Variants in DNAH5 observed in about 807,000 individuals in gnomAD.
The protein encoded by DNAH5 is axonemal beta dynein heavy chain 5.
Under a neutral mutation model 518.2 loss-of-function variants are expected in DNAH5, and 372 were observed. The ratio of observed to expected loss-of-function variants is 0.72; its 90% CI spans 0.66 to 0.78. The LOEUF is 0.78. DNAH5 is among the 30% of genes least tolerant of loss of function. The pLI, the probability that DNAH5 is intolerant of heterozygous loss-of-function variation, is 0.00. For synonymous variants in DNAH5, 2,039 were observed against 2,025.9 expected (o/e 1.01, Z -0.17); for missense variants, 5,523 against 5,687.0 (o/e 0.97, Z 0.93).
At chr5:13,969,944 A>C (rs1781763823) in intron 1 of DNAH5, among the ~76,000 whole-genome samples, 1 of 152,074 alleles carries the variant, frequency 6.6e-6, no homozygotes, top group Non-Finnish European at 1.5e-5. Flanking sequence ...ACTAATGTCT[A>C]CTAGTAATTG....
intron 31 of DNAH5, among the ~76,000 whole-genome samples, chr5:13,848,546 C>T (rs934648082): frequency 6.6e-6 from 1 of 152,196 alleles, no homozygotes; most frequent in Admixed American, 6.5e-5. Context: ...AATAATTCTA[C>T]AACTCACCAT....
Position 13,700,624 on chromosome 5 carries a change from G to A in DNAH5, c.13723+16C>T, listed in dbSNP as rs1185116295. On this transcript the variant is annotated intron_variant, in intron 78 of 78. Coordinates refer to ENST00000265104, the MANE Select transcript of DNAH5 (RefSeq NM_001369.3). ...CGAACAATGCGAGCCCTTACTGAAG[G>A]TACAAGACAACTTACTATTGTTTTC... 6.2e-7 allele frequency: 1 copy of A among 1,607,312 alleles called. No homozygotes were observed. Among genetic ancestry groups the A allele is most frequent in the Admixed American group, 1.7e-5 (1 of 59,976 alleles).
At chr5:13,997,263 TAA>T (rs1476641507) in intron 1 of DNAH5, among the ~76,000 whole-genome samples, 2 of 152,236 alleles carry the variant, frequency 1.3e-5, no homozygotes, top group East Asian at 1.9e-4. Context: ...TATTTTATTA[TAA>T]GAGTCAAGAG....
chr5:13,770,993 A>G lies in DNAH5; in HGVS notation c.9374-13T>C. ...AAGTGTTCAGACACTAGAGAGAATA[A>G]AGATGACAGTGTGTGAAATATGTAT... On this transcript the variant is annotated splice_polypyrimidine_tract_variant and intron_variant, in intron 55 of 78. Coordinates refer to ENST00000265104, the MANE Select transcript of DNAH5 (RefSeq NM_001369.3). 1 of 1,575,306 alleles carries G rather than the reference A, an allele frequency of 6.3e-7. No homozygotes were observed. The highest frequency in any genetic ancestry group is 8.7e-7 in the Non-Finnish European group (1 of 1,145,136).
chr5:13,963,700 C>T (rs528930146), intron 1 of DNAH5, among the ~76,000 whole-genome samples: 242 of 152,136 alleles, frequency 1.6e-3, no homozygotes, highest in African/African-American at 5.5e-3. Context: ...CTCTTATACC[C>T]GAACATTAAT....
chr5:13,793,554 A>G lies in DNAH5; in HGVS notation c.8185T>C (p.Cys2729Arg). The G allele has an allele frequency of 3.7e-6, 6 of 1,614,086 alleles. No individual in the cohort carries two copies. Among genetic ancestry groups the G allele is most frequent in the Non-Finnish European group, 5.1e-6 (6 of 1,180,002 alleles). ...RLKRQFSIFN[C>R]TLPSEASVDK... ...ACAGAAGCTTCAGAGGGCAACGTGC[A>G]ATTAAATATAGAGAACTGCCTCTTG... Residue 2729 changes from cysteine (C) to arginine (R), a missense_variant, in exon 49 of 79, where the codon TGC becomes CGC. Physicochemically the swap from Cys to Arg is radical, Grantham distance 180 (BLOSUM62 -3). Coordinates refer to ENST00000265104, the MANE Select transcript of DNAH5 (RefSeq NM_001369.3).
chr5:13,752,761 C>T (rs1225858261), intron 63 of DNAH5, among the ~76,000 whole-genome samples: 1 of 152,204 alleles, frequency 6.6e-6, no homozygotes, highest in East Asian at 1.9e-4. Context: ...TTGAAACCCA[C>T]ACTTGGTGAA....
At chr5:13,805,808 T>G (rs1449531711) in intron 47 of DNAH5, among the ~76,000 whole-genome samples, 2 of 152,206 alleles carry the variant, frequency 1.3e-5, no homozygotes, top group Non-Finnish European at 2.9e-5. Context: ...TTATGGAAAC[T>G]GAGAGGGCTG....
chr5:13,760,990 A>G (rs569068383), intron 60 of DNAH5, among the ~76,000 whole-genome samples: 1 of 152,352 alleles, frequency 6.6e-6, no homozygotes, highest in Non-Finnish European at 1.5e-5. Context: ...TGAGTGGTCC[A>G]AGATGCTAGA....
Position 13,810,062 on chromosome 5 carries a change from CG to C in DNAH5, c.7605del (p.Asp2536MetfsTer35). 1.3e-6 allele frequency: 2 copies of C among 1,551,944 alleles called. No individual in the cohort carries two copies. Among genetic ancestry groups the C allele is most frequent in the Non-Finnish European group, 1.7e-6 (2 of 1,148,098 alleles). On this transcript the variant is annotated frameshift_variant, in exon 45 of 79. Transcript: ENST00000265104. LOFTEE classifies it high-confidence loss of function. ...CTGGACGGGCAGGTGTCCTCACCAT[CG>C]GGCGCCACATAGTAGTCGAAGGCGG... ...GDTAFDYYVAPDGTWTHWNTR... is the reference protein window; with the variant it reads ...GDTAFDYYVAXDGTWTHWNTR...
At chr5:13,830,854 G>C (rs961756652) in intron 35 of DNAH5, 79 bp from the exon 36 acceptor site, 3 of 1,424,850 alleles carry the variant, frequency 2.1e-6, no homozygotes, top group Non-Finnish European at 2.0e-6. Context: ...GGCATGAAAC[G>C]CACACAAGAT....
chr5:13,829,895 A>T, intron 37 of DNAH5, 131 bp downstream of exon 37: 1 of 908,606 alleles, frequency 1.1e-6, no homozygotes, highest in Non-Finnish European at 1.7e-6. Flanking sequence ...TAACACCAAA[A>T]GGTTTTCAAA....
At position 13,778,492 on chromosome 5, in the gene DNAH5, AAGGAAGGG is replaced by A. The variant is rs1174923517; in HGVS notation, c.8952-1145_8952-1138del. 6.4e-3 allele frequency among the ~76,000 whole-genome samples: 378 copies of A among 58,912 alleles called. 12 individuals are homozygous for A. Among genetic ancestry groups the A allele is most frequent in the African/African-American group, 0.017 (331 of 19,502 alleles). 38.6% of individuals were successfully genotyped at this position (58,912 alleles called of 152,430 possible). A position where few individuals can be genotyped will look rare whatever the true frequency, so the allele number is the denominator to read the frequency against. On this transcript the variant is annotated intron_variant, in intron 53 of 78. Coordinates refer to ENST00000265104, the MANE Select transcript of DNAH5 (RefSeq NM_001369.3). ...GAAGGAAGGAAAGAAGGAAGGAAGGAAGGAAGGGAGGGAGGGAGGGAGGGGAGAGAAAG... is the reference window on the plus strand; with the variant it reads ...GAAGGAAGGAAAGAAGGAAGGAAGGAAGGGAGGGAGGGAGGGGAGAGAAAG...
chr5:13,934,798 T>G (rs1397608457), intron 1 of DNAH5, among the ~76,000 whole-genome samples: 1 of 152,172 alleles, frequency 6.6e-6, no homozygotes, highest in Non-Finnish European at 1.5e-5. Flanking sequence ...AGAGGCAGGA[T>G]TCAGGTTTAA....
chr5:13,948,898 G>A (rs1471204498), upstream of DNAH5, among the ~76,000 whole-genome samples: 1 of 152,102 alleles, frequency 6.6e-6, no homozygotes, highest in South Asian at 2.1e-4. Context: ...GAATAAACTC[G>A]CAAGCTGAAT....
chr5:13,916,330 T>C lies in DNAH5; in HGVS notation c.1197+18A>G. ...CAAAGAAATACAAATGAACATGGAC[T>C]CTACATCATGCACTTACCTTTACAA... On this transcript the variant is annotated intron_variant, in intron 9 of 78. Transcript: ENST00000265104. 1 of 1,299,032 alleles carries C rather than the reference T, an allele frequency of 7.7e-7. No homozygotes were observed. Among genetic ancestry groups the C allele is most frequent in the East Asian group, 2.4e-5 (1 of 42,466 alleles). 80.5% of individuals were successfully genotyped at this position (1,299,032 alleles called of 1,614,324 possible).
At chr5:13,757,112 A>T (rs1488029746) in intron 61 of DNAH5, among the ~76,000 whole-genome samples, 1 of 152,148 alleles carries the variant, frequency 6.6e-6, no homozygotes, top group Non-Finnish European at 1.5e-5. Context: ...ACCACTGTTG[A>T]ACATTTAAGT....
At chr5:13,850,577 G>T in intron 31 of DNAH5, 75 bp downstream of exon 31, 1 of 1,340,230 alleles carries the variant, frequency 7.5e-7, no homozygotes, top group Non-Finnish European at 1.1e-6. Flanking sequence ...AACAAATTTG[G>T]CTAATGCTAT....
At chr5:13,920,984 A>AT (rs35373792) in intron 5 of DNAH5, among the ~76,000 whole-genome samples, 67,605 of 152,006 alleles carry the variant, frequency 0.44, 15,968 homozygotes, top group East Asian at 0.85. Context: ...CAGCAATTTT[A>AT]TTTTTTTAGT....
Sources: allele counts gnomAD v4.1 joint callset (sites outside exome capture counted in the v4.1 genomes callset), GRCh38; gene constraint gnomAD v4.1.1; transcripts MANE v1.5; gene names NCBI Gene and HGNC (gene_info 2026-07-23, HGNC 2026-07-21).